ELMOD1: variants seen among roughly 807,000 people sequenced by gnomAD.
The protein encoded by ELMOD1 is ELMO domain containing 1.
ELMOD1 carries 21 observed loss-of-function variants against 46.7 expected under a neutral mutation model. The ratio of observed to expected loss-of-function variants is 0.45; its 90% CI spans 0.32 to 0.65. ELMOD1 has a LOEUF of 0.65. ELMOD1 is among the 30% of genes least tolerant of loss of function. ELMOD1 has a pLI of 0.04. For missense variants in ELMOD1, 348 were observed against 407.8 expected, an observed-to-expected ratio of 0.85 and a Z score of 1.26; for synonymous variants, 122 against 138.2, an observed-to-expected ratio of 0.88 and a Z score of 0.82.
At chr11:107,610,658 ATC>A in intron 1 of ELMOD1, among the ~76,000 whole-genome samples, 1 of 147,994 alleles carries the variant, frequency 6.8e-6, no homozygotes. Context: ...GTGAGATCCT[ATC>A]TAAAAAAAAA....
intron 7 of ELMOD1, among the ~76,000 whole-genome samples, chr11:107,649,283 C>G (rs1226770444): frequency 6.6e-6 from 1 of 151,966 alleles, no homozygotes; most frequent in African/African-American, 2.4e-5. Context: ...AGAAGAAAAT[C>G]AAGATATCTG....
Position 107,654,286 on chromosome 11 carries a change from G to A in ELMOD1, c.698+64G>A, listed in dbSNP as rs1356691055. 12 of 1,400,536 alleles carry A rather than the reference G, an allele frequency of 8.6e-6. No homozygotes were observed. In the South Asian group the frequency reaches 8.7e-5, roughly 10 times the overall value. The allele number at this position is 1,400,536 out of a possible 1,614,324, so 86.8% of individuals were successfully genotyped here. On this transcript the variant is annotated intron_variant, in intron 10 of 11. Transcript: ENST00000265840. ...AAACAGAACCAGAACTAGAACTAGA[G>A]TATCATGAAAGACAAGGGTGAAACT... is the stretch of plus-strand genomic sequence containing the variant.
At chr11:107,610,998 CAAAAAAAAA>C (rs58417281) in intron 1 of ELMOD1, among the ~76,000 whole-genome samples, 23 of 95,776 alleles carry the variant, frequency 2.4e-4, no homozygotes, top group Admixed American at 2.3e-3. Context: ...TGTAAGAATC[CAAAAAAAAA>C]AAAAAAAAAA....
intron 7 of ELMOD1, 100 bp downstream of exon 7, chr11:107,647,701 A>C: frequency 1.6e-6 from 2 of 1,238,504 alleles, no homozygotes. Flanking sequence ...GGTACTTCCC[A>C]TAAGACTCAA....
intron 1 of ELMOD1, among the ~76,000 whole-genome samples, chr11:107,594,491 T>C (rs530185750): frequency 2.0e-5 from 3 of 152,272 alleles, no homozygotes; most frequent in African/African-American, 7.2e-5. Flanking sequence ...CTTCGGTGAA[T>C]GGACCTCAGT....
chr11:107,606,646 C>T (rs990376364), intron 1 of ELMOD1, among the ~76,000 whole-genome samples: 1 of 152,092 alleles, frequency 6.6e-6, no homozygotes, highest in Non-Finnish European at 1.5e-5. Context: ...ACCAGCCTGG[C>T]CAACATGGTG....
At position 107,592,488 on chromosome 11, in the gene ELMOD1, A is replaced by G. The variant is rs144582387; in HGVS notation, c.-86+1079A>G. 4.2e-4 allele frequency: 225 copies of G among 530,528 alleles called. 1 individual carries two copies. Among genetic ancestry groups the G allele is most frequent in the Non-Finnish European group, 7.3e-4 (188 of 257,558 alleles). The allele number at this position is 530,528 out of a possible 1,614,324, so 32.9% of individuals were successfully genotyped here. Reference sequence around the variant, plus strand: ...ACCGTCCTTAACTGGTGCTGCCAATATGGTGGAAAGCAGGTAGTATGCTTG... The same window carrying G: ...ACCGTCCTTAACTGGTGCTGCCAATGTGGTGGAAAGCAGGTAGTATGCTTG... On this transcript the variant is annotated intron_variant, in intron 1 of 11. Transcript: ENST00000265840.
In ELMOD1 at chr11:107,643,831, C is replaced by T. The variant is rs571296241; in HGVS notation, c.421-3637C>T. On this transcript the variant is annotated intron_variant, in intron 6 of 11. Transcript: ENST00000265840. ...AGAATCGTCAGGCCAGGTGCCCAGC[C>T]TGGTCCACCTCAGCATTGCCATGCC... 82 of 301,680 alleles carry T rather than the reference C, an allele frequency of 2.7e-4. No individual in the cohort carries two copies. The South Asian group carries it at 3.1e-3, about 11-fold the overall frequency. 18.7% of individuals were successfully genotyped at this position (301,680 alleles called of 1,614,324 possible).
At chr11:107,613,480 T>G (rs1280258553) in intron 1 of ELMOD1, among the ~76,000 whole-genome samples, 2 of 152,196 alleles carry the variant, frequency 1.3e-5, no homozygotes, top group Non-Finnish European at 2.9e-5. Context: ...AAATTTTCTC[T>G]TAATAGGAAG....
At chr11:107,633,525 CG>C (rs1866177517) in intron 5 of ELMOD1, among the ~76,000 whole-genome samples, 1 of 152,044 alleles carries the variant, frequency 6.6e-6, no homozygotes, top group Admixed American at 6.6e-5. Flanking sequence ...CTCCACCTCC[CG>C]GGTTCAAGCG....
At chr11:107,599,060 A>G (rs1865542956) in intron 1 of ELMOD1, among the ~76,000 whole-genome samples, 1 of 152,218 alleles carries the variant, frequency 6.6e-6, no homozygotes, top group Non-Finnish European at 1.5e-5. Flanking sequence ...CCAGAAGGAA[A>G]GACATACAAA....
chr11:107,608,954 C>G, intron 1 of ELMOD1, among the ~76,000 whole-genome samples: 1 of 152,172 alleles, frequency 6.6e-6, no homozygotes, highest in East Asian at 1.9e-4. Flanking sequence ...AGAGGGAGCA[C>G]AGGAAAGTGA....
chr11:107,640,882 C>T (rs988855660), intron 6 of ELMOD1, among the ~76,000 whole-genome samples: 1 of 152,206 alleles, frequency 6.6e-6, no homozygotes, highest in South Asian at 2.1e-4. Flanking sequence ...CATTCATCAA[C>T]ACCCTTAAAA....
At chr11:107,632,793 T>C (rs1230248242) in intron 5 of ELMOD1, among the ~76,000 whole-genome samples, 1 of 152,206 alleles carries the variant, frequency 6.6e-6, no homozygotes, top group African/African-American at 2.4e-5. Flanking sequence ...CTGGATTAGA[T>C]TTAATAGCAA....
At chr11:107,608,757 T>C (rs1865729389) in intron 1 of ELMOD1, among the ~76,000 whole-genome samples, 1 of 152,196 alleles carries the variant, frequency 6.6e-6, no homozygotes, top group Non-Finnish European at 1.5e-5. Flanking sequence ...GAGAGTTTAT[T>C]TTTCAGTGGC....
intron 2 of ELMOD1, chr11:107,625,433 T>G: frequency 1.0e-6 from 1 of 984,994 alleles, no homozygotes; most frequent in Non-Finnish European, 1.2e-6. Flanking sequence ...CATTAGCACA[T>G]TCATTGAAAC....
intron 1 of ELMOD1, 110 bp from the exon 2 acceptor site, chr11:107,617,995 T>C (rs920278195): frequency 2.4e-5 from 15 of 624,356 alleles, no homozygotes; most frequent in Non-Finnish European, 3.8e-5. Flanking sequence ...CTGTTGATAA[T>C]GTTCTGGGTG....
intron 6 of ELMOD1, among the ~76,000 whole-genome samples, chr11:107,639,153 T>A (rs565854742): frequency 2.6e-5 from 4 of 151,778 alleles, no homozygotes; most frequent in South Asian, 2.1e-4. Context: ...TTCTAAAAAA[T>A]AATAATAATA....
At chr11:107,610,424 G>A (rs1865755301) in intron 1 of ELMOD1, among the ~76,000 whole-genome samples, 1 of 152,074 alleles carries the variant, frequency 6.6e-6, no homozygotes. Context: ...AGTACTTTGG[G>A]AGGCCAAGGT....
Sources: allele counts gnomAD v4.1 joint callset (sites outside exome capture counted in the v4.1 genomes callset), GRCh38; gene constraint gnomAD v4.1.1; transcripts MANE v1.5; gene names NCBI Gene and HGNC (gene_info 2026-07-23, HGNC 2026-07-21).